Variants in EP400 observed in about 807,000 individuals in gnomAD.
EP400 encodes E1A-binding protein p400.
Under a neutral mutation model 354.1 loss-of-function variants are expected in EP400, and 105 were observed. The observed-to-expected ratio is 0.30, with a 90% confidence interval of 0.25 to 0.35. The LOEUF is 0.35. EP400 is among the 10% of genes least tolerant of loss of function. The probability of loss-of-function intolerance (pLI) is 1.00; values close to 1 mark genes in which losing one functional copy is unlikely to be tolerated. For missense variants in EP400, 3,280 were observed against 4,121.0 expected (o/e 0.80, Z 5.59); for synonymous variants, 1,646 against 1,716.9 (o/e 0.96, Z 1.02).
intron 5 of EP400, among the ~76,000 whole-genome samples, chr12:131,982,869 C>G (rs1446976202): frequency 4.6e-5 from 7 of 151,430 alleles, no homozygotes; most frequent in African/African-American, 1.7e-4. Flanking sequence ...ACTTCAAAGG[C>G]TTAGGCAGGA....
intron 30 of EP400, among the ~76,000 whole-genome samples, chr12:132,035,044 C>T (rs1031790247): frequency 2.0e-5 from 3 of 152,164 alleles, no homozygotes; most frequent in Admixed American, 6.5e-5. Context: ...TCTTAAAAAT[C>T]GAGAAGATAC....
intron 31 of EP400, 74 bp from the exon 32 acceptor site, chr12:132,037,868 ACTAGCAAGGGG>A: frequency 1.2e-6 from 2 of 1,612,096 alleles, no homozygotes; most frequent in Non-Finnish European, 1.7e-6. Context: ...GTTAGTGCAC[ACTAGCAAGGGG>A]CTTAGGTCTC....
intron 39 of EP400, among the ~76,000 whole-genome samples, chr12:132,046,190 T>G (rs1895091958): frequency 6.6e-6 from 1 of 152,222 alleles, no homozygotes; most frequent in South Asian, 2.1e-4. Context: ...ATACCAACAT[T>G]TGCACTGCCG....
rs1895932610 is a variant in EP400 at position 132,067,568 on chromosome 12, A to G, written c.8874+82A>G. On this transcript the variant is annotated intron_variant, in intron 50 of 52. Coordinates refer to ENST00000389561, the MANE Select transcript of EP400 (RefSeq NM_015409.5). The surrounding 1 kb of genome is among the most constrained non-coding windows in gnomAD (Gnocchi z 5.3). ...TGGAGGAGAGGGTCCTAAGCAGACA[A>G]ATCCCCATGTGGCGGCTCACGCTTT... 2.0e-6 allele frequency: 3 copies of G among 1,535,332 alleles called. No homozygotes were observed. The highest frequency in any genetic ancestry group is 2.6e-6 in the Non-Finnish European group (3 of 1,143,724).
chr12:131,954,070 G>A (rs530344808), intron 1 of EP400, among the ~76,000 whole-genome samples: 1 of 152,174 alleles, frequency 6.6e-6, no homozygotes, highest in African/African-American at 2.4e-5. Flanking sequence ...CTGAGATTGC[G>A]CCGCAGCACT....
At chr12:131,989,347 C>T (rs901607281) in intron 7 of EP400, among the ~76,000 whole-genome samples, 1 of 152,188 alleles carries the variant, frequency 6.6e-6, no homozygotes, top group Non-Finnish European at 1.5e-5. Context: ...CAGTGAGCCC[C>T]GTTGGAGGCC....
In EP400 at chr12:131,960,844, C is replaced by A. The variant is rs1202772021; in HGVS notation, c.225C>A (p.Thr75=). ...CAACCGGGCAGAACGTGAACATCACCCTGCAGAGCGTGGGCCCTGTCGTCG... is the reference window on the plus strand; with the variant it reads ...CAACCGGGCAGAACGTGAACATCACACTGCAGAGCGTGGGCCCTGTCGTCG... ...SPATGQNVNI[T]LQSVGPVVGG... is the part of the protein sequence containing the mutation. The change falls in exon 2 of 53, where the codon ACC becomes ACA. Residue 75 remains threonine (T), a synonymous_variant. Coordinates refer to ENST00000389561, the MANE Select transcript of EP400 (RefSeq NM_015409.5). 1.2e-6 allele frequency: 2 copies of A among 1,613,826 alleles called. No individual in the cohort carries two copies. Among genetic ancestry groups the A allele is most frequent in the African/African-American group, 1.3e-5 (1 of 74,902 alleles).
intron 2 of EP400, among the ~76,000 whole-genome samples, chr12:131,965,986 T>C (rs1355291198): frequency 6.6e-6 from 1 of 150,514 alleles, no homozygotes; most frequent in Non-Finnish European, 1.5e-5. Flanking sequence ...TGCCTAGGAG[T>C]CAAAGAGTCT....
chr12:132,028,249 T>G lies in EP400; in HGVS notation c.5342T>G (p.Leu1781Arg), dbSNP rs768929948. The change falls in exon 27 of 53, where the codon CTT becomes CGT. Residue 1781 changes from leucine (L) to arginine (R), a missense_variant. Physicochemically the swap from Leu to Arg is moderately radical, Grantham distance 102. Coordinates refer to ENST00000389561, the MANE Select transcript of EP400 (RefSeq NM_015409.5). Reference protein sequence around the residue: ...SESPSELMLTLCRCGESLQDV... With the variant: ...SESPSELMLTRCRCGESLQDV... ...AGTCCAAGTGAGCTGATGTTGACGC[T>G]TTGTCGGTGTGGAGAGTCTCTGCAG... 4 of 1,614,150 alleles carry G rather than the reference T, an allele frequency of 2.5e-6. No homozygotes were observed. The highest frequency in any genetic ancestry group is 3.4e-6 in the Non-Finnish European group (4 of 1,180,034).
At chr12:132,042,328 A>G (rs1383033095) in intron 32 of EP400, among the ~76,000 whole-genome samples, 1 of 152,172 alleles carries the variant, frequency 6.6e-6, no homozygotes, top group Non-Finnish European at 1.5e-5. Context: ...TACACTTGAC[A>G]TATCTTTCCC....
chr12:132,066,974 C>A lies in EP400; in HGVS notation c.8749+5C>A, dbSNP rs1015018943. ...GTCAGCCACAGAAGGCAGCAGGTGC[C>A]CGCCCCAGCACACCCTCCCGTCCTG... On this transcript the variant is annotated splice_donor_5th_base_variant and intron_variant, in intron 49 of 52. Coordinates refer to ENST00000389561, the MANE Select transcript of EP400 (RefSeq NM_015409.5). 14 of 1,589,784 alleles carry A rather than the reference C, an allele frequency of 8.8e-6. No homozygotes were observed. Among genetic ancestry groups the A allele is most frequent in the Non-Finnish European group, 1.2e-5 (14 of 1,167,638 alleles).
rs747861653 is a variant in EP400 at position 132,054,725 on chromosome 12, G to A, written c.7729-249G>A. 6.6e-6 allele frequency among the ~76,000 whole-genome samples: 1 copy of A among 151,932 alleles called. No individual in the cohort carries two copies. Among genetic ancestry groups the A allele is most frequent in the Non-Finnish European group, 1.5e-5 (1 of 67,972 alleles). On this transcript the variant is annotated intron_variant, in intron 43 of 52. Transcript: ENST00000389561. The surrounding 1 kb of genome is among the most constrained non-coding windows in gnomAD (Gnocchi z 4.0). The stretch of plus-strand genomic sequence containing the variant: ...GACGGAGGAGTGGAGGGACAGTGGG[G>A]TGAGGGTGGAGGGACAGTGGGATGG...
intron 45 of EP400, among the ~76,000 whole-genome samples, chr12:132,060,387 C>G (rs1018170386): frequency 6.6e-6 from 1 of 152,062 alleles, no homozygotes; most frequent in Non-Finnish European, 1.5e-5. Context: ...GACACTGATG[C>G]GTATATGTAG....
intron 19 of EP400, among the ~76,000 whole-genome samples, chr12:132,016,960 C>T (rs1893961232): frequency 6.6e-6 from 1 of 152,234 alleles, no homozygotes; most frequent in Admixed American, 6.5e-5. Flanking sequence ...CCCCGGTTTC[C>T]TCCCTCAGGC....
chr12:131,963,115 C>T (rs1891952805), intron 2 of EP400, among the ~76,000 whole-genome samples: 1 of 152,084 alleles, frequency 6.6e-6, no homozygotes, highest in Middle Eastern at 3.2e-3. Context: ...AAGCTCAATC[C>T]CCCTTACCTG....
At chr12:131,984,088 C>T (rs1023634526) in intron 5 of EP400, among the ~76,000 whole-genome samples, 6 of 151,970 alleles carry the variant, frequency 3.9e-5, no homozygotes, top group Non-Finnish European at 5.9e-5. Context: ...TTAGTAAAGA[C>T]GAGGTTTCTC....
intron 30 of EP400, among the ~76,000 whole-genome samples, chr12:132,037,407 C>A (rs1238478081): frequency 1.3e-5 from 2 of 152,116 alleles, no homozygotes; most frequent in African/African-American, 4.8e-5. Flanking sequence ...CAGGTTGAGA[C>A]TGGTGGGAGA....
chr12:132,021,046 C>T, intron 22 of EP400, 33 bp from the exon 23 acceptor site: 1 of 1,548,408 alleles, frequency 6.5e-7, no homozygotes, highest in Non-Finnish European at 8.7e-7. Context: ...GAACCTCTAA[C>T]AGCTTTGCAC....
intron 12 of EP400, among the ~76,000 whole-genome samples, chr12:132,003,025 AAAAAC>A (rs1200251362): frequency 6.6e-6 from 1 of 152,154 alleles, no homozygotes; most frequent in Non-Finnish European, 1.5e-5. Context: ...AATATTTACC[AAAAAC>A]AAAACAAAGC....
Sources: allele counts gnomAD v4.1 joint callset (sites outside exome capture counted in the v4.1 genomes callset), GRCh38; gene constraint gnomAD v4.1.1; non-coding constraint Gnocchi (gnomAD v3.1); transcripts MANE v1.5; gene names NCBI Gene and HGNC (gene_info 2026-07-23, HGNC 2026-07-21).